ABHD17C: variants seen among roughly 807,000 people sequenced by gnomAD.
ABHD17C encodes the protein abhydrolase domain containing 17C, depalmitoylase.
Under a neutral mutation model 27.9 loss-of-function variants are expected in ABHD17C, and 11 were observed. The observed-to-expected ratio is 0.39, with a 90% CI of 0.25 to 0.65. The LOEUF (loss-of-function observed/expected upper bound fraction) is 0.65. ABHD17C is among the 30% of genes least tolerant of loss of function. The pLI, the probability that ABHD17C is intolerant of heterozygous loss-of-function variation, is 0.45. For missense variants in ABHD17C, 280 were observed against 470.2 expected, an observed-to-expected ratio of 0.60 and a Z score of 3.74; for synonymous variants, 233 against 209.1, an observed-to-expected ratio of 1.11 and a Z score of -0.98.
intron 1 of ABHD17C, among the ~76,000 whole-genome samples, chr15:80,744,125 G>A (rs1312829359): frequency 1.4e-5 from 2 of 145,756 alleles, no homozygotes; most frequent in Admixed American, 6.6e-5. Flanking sequence ...TGTCTTTTAT[G>A]TAATTTAATC....
intron 1 of ABHD17C, among the ~76,000 whole-genome samples, chr15:80,706,084 A>G (rs888913541): frequency 2.2e-4 from 34 of 152,238 alleles, no homozygotes; most frequent in Non-Finnish European, 4.4e-5. Flanking sequence ...CTCTTTACTT[A>G]TGAGACGATC....
rs1477899337 is a variant in ABHD17C at position 80,755,175 on chromosome 15, C to T, written c.*805C>T. The T allele has an allele frequency of 3.3e-5, 5 of 152,164 alleles. No individual in the cohort carries two copies. The highest frequency in any genetic ancestry group is 1.2e-4 in the African/African-American group (5 of 41,444). The allele number at this position is 152,164 out of a possible 1,614,324, so 9.4% of individuals were successfully genotyped here. A position where few individuals can be genotyped will look rare whatever the true frequency, so the allele number is the denominator to read the frequency against. ...TATGATTTCTTTTGTCAGGCTACAA[C>T]AATGAACTGCAGATTCCTTGTTTGT... On this transcript the variant is annotated 3_prime_UTR_variant, in exon 3 of 3. Transcript: ENST00000258884.
At chr15:80,747,494 C>G (rs1347246390) in intron 1 of ABHD17C, among the ~76,000 whole-genome samples, 1 of 152,130 alleles carries the variant, frequency 6.6e-6, no homozygotes, top group Non-Finnish European at 1.5e-5. Context: ...CCTTTCTAAC[C>G]CCTCTCCCCA....
chr15:80,744,324 C>A (rs1248729084), intron 1 of ABHD17C, among the ~76,000 whole-genome samples: 1 of 152,036 alleles, frequency 6.6e-6, no homozygotes, highest in Admixed American at 6.5e-5. Flanking sequence ...CATTTTGGAA[C>A]CATTGGCATA....
chr15:80,725,681 TTTTA>T (rs760599502), intron 1 of ABHD17C, among the ~76,000 whole-genome samples: 112 of 152,192 alleles, frequency 7.4e-4, no homozygotes, highest in Admixed American at 2.6e-3. Flanking sequence ...ACTAGCTAAT[TTTTA>T]TTTATTTATT....
intron 1 of ABHD17C, among the ~76,000 whole-genome samples, chr15:80,706,342 A>C (rs535788275): frequency 2.0e-5 from 3 of 152,226 alleles, no homozygotes; most frequent in Admixed American, 2.0e-4. Context: ...TTCAGATTCA[A>C]TGCTCAGACG....
At chr15:80,744,200 T>C (rs1895252299) in intron 1 of ABHD17C, among the ~76,000 whole-genome samples, 1 of 152,200 alleles carries the variant, frequency 6.6e-6, no homozygotes, top group Admixed American at 6.5e-5. Context: ...CAGTATTTAG[T>C]TTGAAGAATC....
At chr15:80,707,164 C>T (rs1037993948) in intron 1 of ABHD17C, among the ~76,000 whole-genome samples, 1 of 152,078 alleles carries the variant, frequency 6.6e-6, no homozygotes. Flanking sequence ...TACAGAATAC[C>T]CAGTATCCCA....
At chr15:80,712,477 G>A (rs1012158539) in intron 1 of ABHD17C, among the ~76,000 whole-genome samples, 1 of 152,184 alleles carries the variant, frequency 6.6e-6, no homozygotes, top group Non-Finnish European at 1.5e-5. Flanking sequence ...GCCTGCCATC[G>A]ATCCTTCAAC....
At chr15:80,701,689 A>C (rs1392773904) in intron 1 of ABHD17C, among the ~76,000 whole-genome samples, 1 of 152,166 alleles carries the variant, frequency 6.6e-6, no homozygotes, top group Non-Finnish European at 1.5e-5. Context: ...AAAAAAAAAA[A>C]AAACAAATGT....
chr15:80,738,689 TAGAAAC>T (rs1163766039), intron 1 of ABHD17C, among the ~76,000 whole-genome samples: 6 of 152,044 alleles, frequency 3.9e-5, no homozygotes, highest in South Asian at 2.1e-4. Context: ...TGGTGATTGA[TAGAAAC>T]AGAAAGATTG....
intron 1 of ABHD17C, among the ~76,000 whole-genome samples, chr15:80,733,982 TATTTATTTA>T (rs777719220): frequency 1.3e-5 from 2 of 151,080 alleles, no homozygotes; most frequent in African/African-American, 4.9e-5. Flanking sequence ...TTTATTTATT[TATTTATTTA>T]TTTATTTTTT....
intron 1 of ABHD17C, among the ~76,000 whole-genome samples, chr15:80,700,198 A>C (rs148552437): frequency 2.2e-4 from 33 of 152,346 alleles, no homozygotes; most frequent in African/African-American, 7.9e-4. Context: ...CTGTGTGTGC[A>C]CAAGTGGCAC....
chr15:80,722,655 G>A (rs1420109076), intron 1 of ABHD17C, among the ~76,000 whole-genome samples: 2 of 151,660 alleles, frequency 1.3e-5, no homozygotes, highest in African/African-American at 2.4e-5. Flanking sequence ...TATACTGTAC[G>A]GTAGACCTCC....
At chr15:80,696,125 G>A (rs1894491965) in intron 1 of ABHD17C, 106 bp downstream of exon 1, 1 of 1,179,354 alleles carries the variant, frequency 8.5e-7, no homozygotes, top group Non-Finnish European at 1.2e-6. Flanking sequence ...CCCCTCCTCC[G>A]GGGCTGAGGG....
Position 80,705,974 on chromosome 15 carries a change from G to A in ABHD17C, c.590+9955G>A, listed in dbSNP as rs564046597. ...GCCCCTCCACTTTGCACTTTTTGGA[G>A]CTGGGCAGGAATCAGAGACTTCTCT... is the stretch of plus-strand genomic sequence containing the variant. On this transcript the variant is annotated intron_variant, in intron 1 of 2. Transcript: ENST00000258884. 7.9e-5 allele frequency among the ~76,000 whole-genome samples: 12 copies of A among 152,302 alleles called. No individual in the cohort carries two copies. In the East Asian group the frequency reaches 2.3e-3, roughly 29 times the overall value.
chr15:80,720,031 C>T (rs1041330260), intron 1 of ABHD17C, among the ~76,000 whole-genome samples: 2 of 152,188 alleles, frequency 1.3e-5, no homozygotes, highest in Non-Finnish European at 2.9e-5. Flanking sequence ...AACTCCTGGG[C>T]TCAAGAAGCC....
At chr15:80,721,533 T>C (rs1298333960) in intron 1 of ABHD17C, among the ~76,000 whole-genome samples, 3 of 152,230 alleles carry the variant, frequency 2.0e-5, no homozygotes, top group Non-Finnish European at 2.9e-5. Flanking sequence ...CATTAAATCA[T>C]TTAGTACATG....
intron 1 of ABHD17C, among the ~76,000 whole-genome samples, chr15:80,748,365 T>C (rs532439836): frequency 1.3e-5 from 2 of 152,342 alleles, no homozygotes; most frequent in South Asian, 2.1e-4. Flanking sequence ...GTTGAATTGT[T>C]TTCCCAAGTG....
Sources: gnomAD v4.1 joint callset for allele counts (sites outside exome capture counted in the v4.1 genomes callset) on GRCh38, gnomAD v4.1.1 for gene constraint, MANE v1.5 for transcripts, NCBI Gene and HGNC (gene_info 2026-07-23, HGNC 2026-07-21) for gene names.